The following PVT1 variants were observed in gnomAD, a reference collection of about 807,000 sequenced individuals.
PVT1 encodes the protein CXCR4/PVT1 fusion.
At chr8:128,100,107 C>T (rs1814484396) in intron 6 of PVT1, among the ~76,000 whole-genome samples, 1 of 146,052 alleles carries the variant, frequency 6.8e-6, no homozygotes, top group African/African-American at 2.5e-5. Flanking sequence ...CCCTCCCTCC[C>T]TCCCAACCTT....
intron 2 of PVT1, among the ~76,000 whole-genome samples, chr8:127,855,872 CA>C (rs1476182454): frequency 5.9e-5 from 9 of 152,248 alleles, no homozygotes; most frequent in Admixed American, 2.6e-4. Flanking sequence ...GGGGGCCCCA[CA>C]CCTGTGCAGC....
chr8:127,812,284 A>AAGGG (rs1291966985), intron 2 of PVT1, among the ~76,000 whole-genome samples: 1 of 149,544 alleles, frequency 6.7e-6, no homozygotes, highest in Non-Finnish European at 1.5e-5. Flanking sequence ...GGAAGGAAGG[A>AAGGG]AGGAAGAGAA....
chr8:127,990,182 C>T (rs1817016815), intron 4 of PVT1, among the ~76,000 whole-genome samples: 1 of 152,156 alleles, frequency 6.6e-6, no homozygotes, highest in African/African-American at 2.4e-5. Context: ...AGCCCCTTAC[C>T]CAAAGCAGAG....
intron 3 of PVT1, among the ~76,000 whole-genome samples, chr8:127,902,737 G>A (rs1815774503): frequency 6.6e-6 from 1 of 152,120 alleles, no homozygotes; most frequent in Non-Finnish European, 1.5e-5. Context: ...GCCTCCAGCT[G>A]CATCCATGTT....
At chr8:127,909,351 G>A (rs1157394671) in intron 3 of PVT1, among the ~76,000 whole-genome samples, 1 of 152,198 alleles carries the variant, frequency 6.6e-6, no homozygotes, top group Admixed American at 6.5e-5. Context: ...GAAACTACAG[G>A]AAAACAGTAG....
chr8:127,828,628 A>G (rs1814816873), intron 2 of PVT1, among the ~76,000 whole-genome samples: 1 of 152,124 alleles, frequency 6.6e-6, no homozygotes. Context: ...AGGTTTTTCT[A>G]TAAACGTGGG....
At chr8:127,839,660 C>T (rs997526386) in intron 2 of PVT1, among the ~76,000 whole-genome samples, 1 of 151,650 alleles carries the variant, frequency 6.6e-6, no homozygotes, top group Non-Finnish European at 1.5e-5. Flanking sequence ...AGAGGGCATA[C>T]GAAACACCCA....
intron 3 of PVT1, among the ~76,000 whole-genome samples, chr8:127,969,993 C>A (rs1816745049): frequency 6.6e-6 from 1 of 152,216 alleles, no homozygotes; most frequent in Non-Finnish European, 1.5e-5. Context: ...TGAAGTGGAA[C>A]TTTTCTTCCC....
chr8:127,887,966 A>C (rs1168934269), intron 2 of PVT1, among the ~76,000 whole-genome samples: 2 of 91,388 alleles, frequency 2.2e-5, no homozygotes, highest in African/African-American at 8.7e-5. Flanking sequence ...TTTGAGACTG[A>C]ATCTCACTCT....
intron 3 of PVT1, among the ~76,000 whole-genome samples, chr8:127,923,158 A>C (rs1586437753): frequency 6.6e-6 from 1 of 152,390 alleles, no homozygotes; most frequent in East Asian, 1.9e-4. Flanking sequence ...CCAAGGTCAC[A>C]GACAAGTGAG....
intron 2 of PVT1, among the ~76,000 whole-genome samples, chr8:127,827,101 T>G (rs534833217): frequency 6.7e-6 from 1 of 149,246 alleles, no homozygotes; most frequent in East Asian, 2.0e-4. Context: ...GTTCGAGCGA[T>G]TCTCCTGCCT....
intron 3 of PVT1, among the ~76,000 whole-genome samples, chr8:127,901,445 C>T (rs1376947032): frequency 1.3e-5 from 2 of 152,334 alleles, no homozygotes; most frequent in East Asian, 1.9e-4. Flanking sequence ...TTGAGATGCC[C>T]TCGGTGGCCC....
intron 3 of PVT1, among the ~76,000 whole-genome samples, chr8:127,935,658 T>C (rs568563043): frequency 6.6e-6 from 1 of 152,296 alleles, no homozygotes; most frequent in East Asian, 1.9e-4. Context: ...GCATGAGCTC[T>C]GGTTGCACAA....
chr8:128,011,289 T>C (rs1225063789), intron 4 of PVT1, among the ~76,000 whole-genome samples: 1 of 152,214 alleles, frequency 6.6e-6, no homozygotes, highest in African/African-American at 2.4e-5. Context: ...TGGACTGAAC[T>C]GTTTTCCTTC....
chr8:127,817,528 AATAT>A (rs36101639), intron 2 of PVT1, among the ~76,000 whole-genome samples: 20 of 68,692 alleles, frequency 2.9e-4, no homozygotes, highest in African/African-American at 4.2e-4. Flanking sequence ...TATCTATTTA[AATAT>A]ATATATATAT....
At chr8:127,942,947 T>C (rs1277011839) in intron 3 of PVT1, among the ~76,000 whole-genome samples, 1 of 152,236 alleles carries the variant, frequency 6.6e-6, no homozygotes, top group African/African-American at 2.4e-5. Flanking sequence ...AGAAATAAAA[T>C]CTGAGGAGGG....
chr8:127,954,073 C>T (rs1201046906), intron 3 of PVT1, among the ~76,000 whole-genome samples: 1 of 152,154 alleles, frequency 6.6e-6, no homozygotes, highest in Non-Finnish European at 1.5e-5. Flanking sequence ...TGGACTTTTG[C>T]CACTGCTTGA....
At chr8:127,851,028 AT>A (rs200920865) in intron 2 of PVT1, among the ~76,000 whole-genome samples, 4,755 of 151,570 alleles carry the variant, frequency 0.031, 206 homozygotes, top group African/African-American at 0.096. Flanking sequence ...TTAAAAAAAA[AT>A]AAAAAAAGAT....
At chr8:127,962,750 C>T (rs1244574852) in intron 3 of PVT1, among the ~76,000 whole-genome samples, 1 of 152,116 alleles carries the variant, frequency 6.6e-6, no homozygotes, top group African/African-American at 2.4e-5. Context: ...GGGCACACCA[C>T]TGCACCTGGC....
Sources: gnomAD v4.1 joint callset for allele counts (sites outside exome capture counted in the v4.1 genomes callset) on GRCh38, gnomAD v4.1.1 for gene constraint, MANE v1.5 for transcripts, NCBI Gene and HGNC (gene_info 2026-07-23, HGNC 2026-07-21) for gene names.